Variants in KYNU observed in about 807,000 individuals in gnomAD.
KYNU encodes the protein kynureninase.
A neutral mutation model predicts 59.2 loss-of-function variants in KYNU; 54 were observed. The ratio of observed to expected loss-of-function variants is 0.91; its 90% CI spans 0.73 to 1.14. The LOEUF is 1.14. Among genes scored for constraint, KYNU ranks in the 50% most tolerant of loss-of-function variants. The pLI, the probability that KYNU is intolerant of heterozygous loss-of-function variation, is 0.00. For missense variants in KYNU, 567 were observed against 554.4 expected, an observed-to-expected ratio of 1.02 and a Z score of -0.23; for synonymous variants, 177 against 192.0, an observed-to-expected ratio of 0.92 and a Z score of 0.65.
intron 4 of KYNU, chr2:142,947,248 G>A (rs1683820415): frequency 1.9e-6 from 3 of 1,546,940 alleles, no homozygotes; most frequent in Non-Finnish European, 2.6e-6. Flanking sequence ...CCTTGAGAGA[G>A]GAAGATTTTC....
In KYNU at chr2:143,033,224, T is replaced by C. The variant is rs17808482; in HGVS notation, c.956-12T>C. ...TACCTTCTATGATAATGACATGATA[T>C]TAATTTCTCAGAACTGCAGTTAATC... On this transcript the variant is annotated splice_polypyrimidine_tract_variant and intron_variant, in intron 11 of 13. Coordinates refer to ENST00000264170, the MANE Select transcript of KYNU (RefSeq NM_003937.3). The C allele has an allele frequency of 0.035, 54,587 of 1,576,178 alleles. 1,147 individuals carry two copies. Among genetic ancestry groups the C allele is most frequent in the Non-Finnish European group, 0.043 (48,707 of 1,145,376 alleles).
At position 142,947,173 on chromosome 2, in the gene KYNU, A is replaced by G. The variant is rs201151366; in HGVS notation, c.374-7637A>G. 1,203 of 1,551,050 alleles carry G rather than the reference A, an allele frequency of 7.8e-4. 10 individuals are homozygous for G. The Middle Eastern group carries it at 0.019, about 25-fold the overall frequency. Reference sequence around the variant, plus strand: ...ACCTCAGTATGTGTAATCTTAAGTCATCTTGCTAACGCAGACACCTCTGAG... The same window carrying G: ...ACCTCAGTATGTGTAATCTTAAGTCGTCTTGCTAACGCAGACACCTCTGAG... On this transcript the variant is annotated intron_variant, in intron 4 of 13. Coordinates refer to ENST00000264170, the MANE Select transcript of KYNU (RefSeq NM_003937.3).
At chr2:142,884,552 C>T (rs528251947) in intron 1 of KYNU, among the ~76,000 whole-genome samples, 9 of 152,050 alleles carry the variant, frequency 5.9e-5, no homozygotes, top group Middle Eastern at 3.2e-3. Flanking sequence ...TTGGAAGCCA[C>T]AAGTGTGGTA....
intron 10 of KYNU, among the ~76,000 whole-genome samples, chr2:143,019,799 A>T (rs991739302): frequency 6.6e-6 from 1 of 151,966 alleles, no homozygotes; most frequent in Admixed American, 6.6e-5. Flanking sequence ...GATTTTCTTT[A>T]ATGGGAGGCT....
Position 142,980,390 on chromosome 2 carries a change from A to G in KYNU, c.730-4694A>G, listed in dbSNP as rs112649388. Among the ~76,000 whole-genome samples, 47 of 152,100 alleles carry G rather than the reference A, an allele frequency of 3.1e-4. 1 individual carries two copies. Among genetic ancestry groups the G allele is most frequent in the African/African-American group, 1.1e-3 (45 of 41,518 alleles). The stretch of plus-strand genomic sequence containing the variant: ...GACCTGTATCTTGTGCTGACCTCCT[A>G]TCTCATCCTGTGACTTAGAATGCCT... On this transcript the variant is annotated intron_variant, in intron 8 of 13. Transcript: ENST00000264170.
At chr2:142,965,929 T>C (rs1684515112) in intron 8 of KYNU, among the ~76,000 whole-genome samples, 1 of 152,182 alleles carries the variant, frequency 6.6e-6, no homozygotes, top group Non-Finnish European at 1.5e-5. Context: ...ATCCCTTTAT[T>C]CTTCCCCCTC....
At chr2:142,897,795 T>G (rs1428067211) in intron 2 of KYNU, among the ~76,000 whole-genome samples, 1 of 152,214 alleles carries the variant, frequency 6.6e-6, no homozygotes, top group Non-Finnish European at 1.5e-5. Context: ...AGCATTCTAA[T>G]AAAACCCCTA....
Position 142,990,480 on chromosome 2 carries a change from C to T in KYNU, c.902+4459C>T, listed in dbSNP as rs187461159. ...TTCTTCTGTAAGAGCCCATACATTG[C>T]GATTTAAGATACCACCTCCCTCTTT... On this transcript the variant is annotated intron_variant, in intron 10 of 13. Coordinates refer to ENST00000264170, the MANE Select transcript of KYNU (RefSeq NM_003937.3). 1.2e-4 allele frequency among the ~76,000 whole-genome samples: 18 copies of T among 151,894 alleles called. 1 individual carries two copies. The highest frequency in any genetic ancestry group is 2.0e-4 in the Admixed American group (3 of 15,220).
chr2:142,946,356 T>C (rs1683779413), intron 4 of KYNU, among the ~76,000 whole-genome samples: 1 of 152,106 alleles, frequency 6.6e-6, no homozygotes, highest in Non-Finnish European at 1.5e-5. Flanking sequence ...AGTGCTGGGA[T>C]TACCCTGCCC....
intron 3 of KYNU, among the ~76,000 whole-genome samples, chr2:142,921,128 A>G (rs1161311428): frequency 2.0e-5 from 3 of 152,216 alleles, no homozygotes; most frequent in Non-Finnish European, 4.4e-5. Flanking sequence ...AGTTTGATGA[A>G]CAGCCATGGG....
chr2:142,882,639 T>C (rs1681342541), intron 1 of KYNU, among the ~76,000 whole-genome samples: 1 of 152,212 alleles, frequency 6.6e-6, no homozygotes, highest in Admixed American at 6.5e-5. Context: ...TTCATCCATG[T>C]TGCTGCAAAG....
intron 10 of KYNU, among the ~76,000 whole-genome samples, chr2:143,005,992 T>A (rs1276019062): frequency 1.3e-5 from 2 of 152,172 alleles, no homozygotes; most frequent in Non-Finnish European, 2.9e-5. Context: ...CTAATGGCTC[T>A]GGGAGGAAAT....
chr2:143,038,395 C>T (rs1268263465), intron 12 of KYNU, among the ~76,000 whole-genome samples: 1 of 152,098 alleles, frequency 6.6e-6, no homozygotes. Context: ...GTCCCTTGAC[C>T]CAAAACTTGG....
At chr2:142,894,331 G>A (rs1007274337) in intron 2 of KYNU, among the ~76,000 whole-genome samples, 3 of 151,912 alleles carry the variant, frequency 2.0e-5, no homozygotes, top group African/African-American at 7.3e-5. Flanking sequence ...CATCCCTATT[G>A]GAAAAAGGAC....
chr2:143,001,545 C>T (rs1465283806), intron 10 of KYNU, among the ~76,000 whole-genome samples: 1 of 152,164 alleles, frequency 6.6e-6, no homozygotes, highest in African/African-American at 2.4e-5. Context: ...TACTTTTCAC[C>T]TCTGCTCTTC....
chr2:142,975,026 C>G (rs1220108325), intron 8 of KYNU, among the ~76,000 whole-genome samples: 1 of 152,134 alleles, frequency 6.6e-6, no homozygotes, highest in Non-Finnish European at 1.5e-5. Context: ...CACGGAAATA[C>G]TGGTAGAAGA....
chr2:142,961,143 A>C lies in KYNU; in HGVS notation c.729+373A>C, dbSNP rs539424200. Among the ~76,000 whole-genome samples, 25 of 151,978 alleles carry C rather than the reference A, an allele frequency of 1.6e-4. No homozygotes were observed. The South Asian group carries it at 5.2e-3, about 32-fold the overall frequency. ...GGGCGGTGGAGATTGCAGTGAGCCAAGATCGTGCCCCTGCACTCCAGCCTG... is the reference window on the plus strand; with the variant it reads ...GGGCGGTGGAGATTGCAGTGAGCCACGATCGTGCCCCTGCACTCCAGCCTG... On this transcript the variant is annotated intron_variant, in intron 8 of 13. Transcript: ENST00000264170.
intron 10 of KYNU, among the ~76,000 whole-genome samples, chr2:143,006,319 C>T (rs575509413): frequency 1.3e-5 from 2 of 151,976 alleles, no homozygotes; most frequent in East Asian, 3.9e-4. Context: ...AATCGGGTCA[C>T]TCCCACCCGA....
At chr2:142,907,190 G>C (rs1434451977) in intron 2 of KYNU, among the ~76,000 whole-genome samples, 2 of 152,162 alleles carry the variant, frequency 1.3e-5, no homozygotes, top group African/African-American at 2.4e-5. Context: ...AGATGGGGCA[G>C]GCCACTCCCA....
Sources: allele counts gnomAD v4.1 joint callset (sites outside exome capture counted in the v4.1 genomes callset), GRCh38; gene constraint gnomAD v4.1.1; transcripts MANE v1.5; gene names NCBI Gene and HGNC (gene_info 2026-07-23, HGNC 2026-07-21).